Variants in AP3B2 observed in about 807,000 individuals in gnomAD.
The protein encoded by AP3B2 is AP-3 complex subunit beta-2.
In AP3B2, 50 loss-of-function variants were observed where a neutral mutation model predicts 126.9. The observed-to-expected ratio is 0.39, with a 90% CI of 0.31 to 0.50. The LOEUF is 0.50. Among genes scored for constraint, AP3B2 ranks in the 20% least tolerant of loss-of-function variants. The pLI is 0.79. For synonymous variants in AP3B2, 541 were observed against 565.0 expected, an observed-to-expected ratio of 0.96 and a Z score of 0.60; for missense variants, 1,177 against 1,426.4, an observed-to-expected ratio of 0.83 and a Z score of 2.82.
At chr15:82,662,350 G>T in intron 23 of AP3B2, 98 bp from the exon 24 acceptor site, 1 of 942,574 alleles carries the variant, frequency 1.1e-6, no homozygotes, top group Non-Finnish European at 1.7e-6. Flanking sequence ...CACTGTCACA[G>T]CTGACCAGCC....
At chr15:82,691,209 A>G (rs1337047815) in intron 1 of AP3B2, among the ~76,000 whole-genome samples, 1 of 152,242 alleles carries the variant, frequency 6.6e-6, no homozygotes. Context: ...TGGGTGAACT[A>G]GTTTACACTC....
At chr15:82,667,744 T>A (rs969405278) in intron 14 of AP3B2, among the ~76,000 whole-genome samples, 3 of 152,200 alleles carry the variant, frequency 2.0e-5, no homozygotes, top group Non-Finnish European at 4.4e-5. Flanking sequence ...GTAGGCATTA[T>A]TGCCCCCATT....
Position 82,709,808 on chromosome 15 carries a change from G to C in AP3B2, c.-102C>G. Reference sequence around the variant, plus strand: ...GCCGGTCCGGTCCGGGCTGGCGAAGGCGGCGGCGCGGCAGGGGTTCAGCAG... The same window carrying C: ...GCCGGTCCGGTCCGGGCTGGCGAAGCCGGCGGCGCGGCAGGGGTTCAGCAG... On this transcript the variant is annotated 5_prime_UTR_variant, in exon 1 of 27. Coordinates refer to ENST00000535359, the MANE Select transcript of AP3B2 (RefSeq NM_001278512.2). The C allele has an allele frequency of 1.1e-6, 1 of 902,966 alleles. No individual in the cohort carries two copies. The allele number at this position is 902,966 out of a possible 1,614,324, so 55.9% of individuals were successfully genotyped here.
chr15:82,706,178 T>C (rs2048792692), intron 1 of AP3B2, among the ~76,000 whole-genome samples: 1 of 152,190 alleles, frequency 6.6e-6, no homozygotes, highest in African/African-American at 2.4e-5. Flanking sequence ...CAACTCACTC[T>C]CTACAGTTCT....
intron 22 of AP3B2, 81 bp from the exon 23 acceptor site, chr15:82,663,003 G>C: frequency 6.6e-7 from 1 of 1,523,140 alleles, no homozygotes; most frequent in Non-Finnish European, 8.9e-7. Context: ...GGGCCATCCA[G>C]CAGCTGGGAC....
At chr15:82,662,070 G>T in intron 24 of AP3B2, 98 bp downstream of exon 24, 1 of 1,339,422 alleles carries the variant, frequency 7.5e-7, no homozygotes, top group Non-Finnish European at 1.0e-6. Context: ...ACCCAATCAT[G>T]ATGTATCCCC....
chr15:82,685,814 A>C (rs567624587), intron 4 of AP3B2: 37 of 152,348 alleles, frequency 2.4e-4, no homozygotes, highest in African/African-American at 8.7e-4. Context: ...TGTTTCACCT[A>C]ATAGCCAAGC....
rs1223878556 is a variant in AP3B2 at position 82,677,777 on chromosome 15, G to A, written c.1272C>T (p.Asp424=). ...FQTYIRSMDK[D]FVAATIQAIG... ...TGGCCTGGATTGTGGCTGCCACAAA[G>A]TCCTTGTCCATGCTGCGAATATAGG... Residue 424 remains aspartate, a synonymous_variant, in exon 12 of 27, where the codon GAC becomes GAT. Transcript: ENST00000535359. The A allele has an allele frequency of 1.9e-6, 3 of 1,611,406 alleles. No individual in the cohort carries two copies. The highest frequency in any genetic ancestry group is 1.7e-5 in the Admixed American group (1 of 59,754).
rs1226910164 is a variant in AP3B2 at position 82,700,397 on chromosome 15, C to CTTTTTTTTT, written c.113+9188_113+9196dup. On this transcript the variant is annotated intron_variant, in intron 1 of 26. Coordinates refer to ENST00000535359, the MANE Select transcript of AP3B2 (RefSeq NM_001278512.2). ...CCACTGGCCTGCCAGTGGTGGGTGG[C>CTTTTTTTTT]TTTTTTTTTTTTTTTTTTCAGATGG... Among the ~76,000 whole-genome samples the CTTTTTTTTT allele has an allele frequency of 8.8e-4, 31 of 35,094 alleles. 8 individuals carry two copies. The highest frequency in any genetic ancestry group is 1.5e-3 in the African/African-American group (15 of 9,940). 23.0% of individuals were successfully genotyped at this position (35,094 alleles called of 152,430 possible). A position where few individuals can be genotyped will look rare whatever the true frequency, so the allele number is the denominator to read the frequency against.
At chr15:82,689,873 CGGGA>C (rs2048495287) in intron 1 of AP3B2, 1 of 169,852 alleles carries the variant, frequency 5.9e-6, no homozygotes, top group African/African-American at 2.4e-5. Context: ...GAAGCTGAGA[CGGGA>C]GGATCACTTG....
At chr15:82,702,476 A>C (rs961593881) in intron 1 of AP3B2, among the ~76,000 whole-genome samples, 1 of 152,162 alleles carries the variant, frequency 6.6e-6, no homozygotes, top group Non-Finnish European at 1.5e-5. Flanking sequence ...AAAAGAAGTG[A>C]AAATGGCCTG....
Position 82,665,421 on chromosome 15 carries a change from ACACACACACACAC to A in AP3B2, c.1971+23_1971+35del, listed in dbSNP as rs1393259294. On this transcript the variant is annotated intron_variant, in intron 16 of 26. Transcript: ENST00000535359. This position sits in a 1 kb window ranked among gnomAD's most constrained non-coding sequence, Gnocchi z 4.4. The stretch of plus-strand genomic sequence containing the variant: ...CACACACACACACACACACACACAC[ACACACACACACAC>A]TTCAACCCTCCACCCCGCTGACCTC... 1.3e-5 allele frequency: 10 copies of A among 793,436 alleles called. No individual in the cohort carries two copies. The South Asian group carries it at 1.7e-4, about 13-fold the overall frequency. The allele number at this position is 793,436 out of a possible 1,614,324, so 49.1% of individuals were successfully genotyped here.
chr15:82,690,286 G>A (rs2048504744), intron 1 of AP3B2, among the ~76,000 whole-genome samples: 1 of 151,616 alleles, frequency 6.6e-6, no homozygotes, highest in South Asian at 2.1e-4. Flanking sequence ...TAAGTTCTAG[G>A]GTACATGTGC....
At position 82,665,129 on chromosome 15, in the gene AP3B2, G is replaced by A; in HGVS notation, c.2028+118C>T. The A allele has an allele frequency of 8.3e-7, 1 of 1,200,646 alleles. No homozygotes were observed. The highest frequency in any genetic ancestry group is 1.2e-6 in the Non-Finnish European group (1 of 849,148). 74.4% of individuals were successfully genotyped at this position (1,200,646 alleles called of 1,614,324 possible). On this transcript the variant is annotated intron_variant, in intron 17 of 26. Coordinates refer to ENST00000535359, the MANE Select transcript of AP3B2 (RefSeq NM_001278512.2). The surrounding 1 kb of genome is among the most constrained non-coding windows in gnomAD (Gnocchi z 4.4). ...GGGAGGGAATGCTGCTCACAGAGGA[G>A]CACTGCCAAACCAAGGTGGAAACAG...
Position 82,663,248 on chromosome 15 carries a change from A to G in AP3B2, c.2498-15T>C. ...GGGAGGGGTGACTGTGGGAGTAGAT[A>G]AGACTATGAGGAGGCAAAGTGGAGG... On this transcript the variant is annotated splice_polypyrimidine_tract_variant and intron_variant, in intron 21 of 26. Coordinates refer to ENST00000535359, the MANE Select transcript of AP3B2 (RefSeq NM_001278512.2). The G allele has an allele frequency of 6.2e-7, 1 of 1,601,006 alleles. No individual in the cohort carries two copies. Among genetic ancestry groups the G allele is most frequent in the Non-Finnish European group, 8.5e-7 (1 of 1,170,614 alleles).
intron 4 of AP3B2, among the ~76,000 whole-genome samples, chr15:82,683,637 T>A (rs1387136275): frequency 6.6e-6 from 1 of 152,204 alleles, no homozygotes; most frequent in Non-Finnish European, 1.5e-5. Flanking sequence ...ATGTTCCTAA[T>A]GGCATCTATA....
At chr15:82,662,390 T>A in intron 23 of AP3B2, 138 bp from the exon 24 acceptor site, 1 of 738,092 alleles carries the variant, frequency 1.4e-6, no homozygotes, top group Non-Finnish European at 2.3e-6. Flanking sequence ...TCTTGGCTGC[T>A]GGAGACTGTT....
At chr15:82,676,993 T>C (rs1369371650) in intron 13 of AP3B2, among the ~76,000 whole-genome samples, 1 of 152,192 alleles carries the variant, frequency 6.6e-6, no homozygotes, top group African/African-American at 2.4e-5. Context: ...AGCAGTGCGA[T>C]AGAAAAACAC....
At position 82,671,815 on chromosome 15, in the gene AP3B2, G is replaced by A. The variant is rs191457286; in HGVS notation, c.1665+4646C>T. 1.6e-4 allele frequency among the ~76,000 whole-genome samples: 25 copies of A among 151,702 alleles called. No homozygotes were observed. The East Asian group carries it at 3.9e-3, about 24-fold the overall frequency. On this transcript the variant is annotated intron_variant, in intron 14 of 26. Transcript: ENST00000535359. ...TCCCAGCACTTTGGGAGGCCGAGTC[G>A]GGCAGATCACTTGCGGCCAGGAGTT...
Sources: gnomAD v4.1 joint callset for allele counts (sites outside exome capture counted in the v4.1 genomes callset) on GRCh38, gnomAD v4.1.1 for gene constraint, Gnocchi (gnomAD v3.1) non-coding constraint, MANE v1.5 for transcripts, NCBI Gene and HGNC (gene_info 2026-07-23, HGNC 2026-07-21) for gene names.